Variants in SPOCD1 observed in about 807,000 individuals in gnomAD.
SPOCD1 encodes SPOC domain containing 1, also known as SPOC domain-containing protein 1.
SPOCD1 carries 64 observed loss-of-function variants against 92.2 expected under a neutral mutation model. The observed-to-expected ratio is 0.69, with a 90% CI of 0.57 to 0.86. The LOEUF (loss-of-function observed/expected upper bound fraction) is 0.86, where lower values mean the gene tolerates loss of function less well. Among genes scored for constraint, SPOCD1 ranks in the 40% least tolerant of loss-of-function variants. The pLI, the probability that SPOCD1 is intolerant of heterozygous loss-of-function variation, is 0.00. For synonymous variants in SPOCD1, 578 were observed against 619.3 expected, an observed-to-expected ratio of 0.93 and a Z score of 0.99; for missense variants, 1,360 against 1,543.1, an observed-to-expected ratio of 0.88 and a Z score of 1.99.
intron 3 of SPOCD1, 133 bp downstream of exon 3, chr1:31,801,531 G>A (rs1017676472): frequency 5.5e-6 from 4 of 723,444 alleles, no homozygotes; most frequent in African/African-American, 5.3e-5. Context: ...AGGGAGGGGA[G>A]CACTAGGATC....
At chr1:31,805,158 G>A (rs1325241824) in intron 2 of SPOCD1, among the ~76,000 whole-genome samples, 1 of 151,114 alleles carries the variant, frequency 6.6e-6, no homozygotes. Flanking sequence ...TTTTTTTCTT[G>A]TATTTTTAGT....
At chr1:31,806,083 C>A in intron 2 of SPOCD1, among the ~76,000 whole-genome samples, 1 of 151,290 alleles carries the variant, frequency 6.6e-6, no homozygotes. Flanking sequence ...AACTTATAAG[C>A]ATCTAATAGC....
At chr1:31,806,713 TTTTG>T (rs894982882) in intron 2 of SPOCD1, among the ~76,000 whole-genome samples, 18 of 152,062 alleles carry the variant, frequency 1.2e-4, no homozygotes, top group African/African-American at 3.6e-4. Context: ...GCCTGGCTAA[TTTTG>T]TTTGTTTGTT....
At chr1:31,803,621 G>C (rs1363427163) in intron 2 of SPOCD1, among the ~76,000 whole-genome samples, 1 of 151,692 alleles carries the variant, frequency 6.6e-6, no homozygotes, top group East Asian at 1.9e-4. Context: ...TGTACCTGTA[G>C]TCCCAACTAC....
rs990745600 is a variant in SPOCD1 at position 31,809,765 on chromosome 1, G to A, written c.1383+4186C>T. Among the ~76,000 whole-genome samples the A allele has an allele frequency of 3.3e-5, 5 of 152,132 alleles. No homozygotes were observed. The South Asian group carries it at 1.0e-3, about 32-fold the overall frequency. On this transcript the variant is annotated intron_variant, in intron 2 of 15. Transcript: ENST00000360482. The stretch of plus-strand genomic sequence containing the variant: ...ATCACTATTCGAGACTCTTAGAACA[G>A]TGCCTGGAACAGAAGAAGCTCTCTC...
chr1:31,814,951 T>C lies in SPOCD1; in HGVS notation c.383A>G (p.Asp128Gly). The C allele has an allele frequency of 6.2e-7, 1 of 1,613,912 alleles. No individual in the cohort carries two copies. Among genetic ancestry groups the C allele is most frequent in the Non-Finnish European group, 8.5e-7 (1 of 1,180,012 alleles). Residue 128 changes from aspartate (D) to glycine (G), a missense_variant, in exon 2 of 16, where the codon GAT becomes GGT. Physicochemically the swap from Asp to Gly is moderately conservative, Grantham distance 94. Around this residue, in one of 3 missense-constraint regions of SPOCD1, gnomAD observed 140 missense variants for 183.8 expected, o/e 0.76. Coordinates refer to ENST00000360482, the MANE Select transcript of SPOCD1 (RefSeq NM_144569.7). This position sits in a 1 kb window ranked among gnomAD's most constrained non-coding sequence, Gnocchi z 4.2. ...RLQVSLCDIL[D>G]DSCPRKLCSR... ...ACAAAGTTTCCTGGGGCAACTGTCA[T>C]CTAAGATGTCACACAGAGAAACCTG...
rs79907831 is a variant in SPOCD1, at chr1:31,790,784, G to A, written c.3470C>T (p.Ala1157Val). 4.9e-3 allele frequency: 7,594 copies of A among 1,548,094 alleles called. 324 individuals are homozygous for A. The African/African-American group carries it at 0.088, about 18-fold the overall frequency. Residue 1157 changes from alanine to valine, a missense_variant, in exon 16 of 16, where the codon GCG becomes GTG. By Grantham distance (64) the Ala-to-Val change is moderately conservative. This residue lies in a region of SPOCD1 where 614 missense variants were observed against 757.8 expected (regional missense o/e 0.81). Coordinates refer to ENST00000360482, the MANE Select transcript of SPOCD1 (RefSeq NM_144569.7). ...QALLRHLESL[A>V]TMSHQLQALL... The stretch of plus-strand genomic sequence containing the variant: ...GGCTTGGAGCTGGTGACTCATGGTC[G>A]CCAGGGATTCGAGGTGCCGGAGCAG...
Position 31,792,700 on chromosome 1 carries a change from C to T in SPOCD1, c.2753G>A (p.Ser918Asn), listed in dbSNP as rs1225105280. The change falls in exon 14 of 16, where the codon AGC (serine) becomes AAC (asparagine). Residue 918 changes from serine to asparagine, a missense_variant. This residue lies in a region of SPOCD1 where 614 missense variants were observed against 757.8 expected (regional missense o/e 0.81). Coordinates refer to ENST00000360482, the MANE Select transcript of SPOCD1 (RefSeq NM_144569.7). ...TACCTTGGCCTTGGCTGGGCAGATG[C>T]TGGCCAGAAGGTCCCAGACAATGTT... ...PSNIVWDLLA[S>N]ICPAKAKDVC... 6.2e-7 allele frequency: 1 copy of T among 1,605,370 alleles called. No individual in the cohort carries two copies. Among genetic ancestry groups the T allele is most frequent in the Admixed American group, 1.7e-5 (1 of 58,890 alleles).
chr1:31,800,737 G>A (rs1199243745), intron 3 of SPOCD1, 120 bp from the exon 4 acceptor site: 2 of 899,860 alleles, frequency 2.2e-6, no homozygotes, highest in South Asian at 3.5e-5. Context: ...AGCTCCGTGA[G>A]GATAGAGAAC....
chr1:31,801,679 C>T lies in SPOCD1; in HGVS notation c.1410G>A (p.Val470=). ...AAAAACCTACGTAGCACACAAGCTT[C>T]ACTCCATGGGGTATTTTCACTTCCT... is the stretch of plus-strand genomic sequence containing the variant. ...RLEEVKIPHG[V]KLVCYLGSGP... The change falls in exon 3 of 16, where the codon GTG becomes GTA. Residue 470 remains valine, a synonymous_variant. Transcript: ENST00000360482. The T allele has an allele frequency of 6.2e-7, 1 of 1,613,944 alleles. No homozygotes were observed. Among genetic ancestry groups the T allele is most frequent in the Non-Finnish European group, 8.5e-7 (1 of 1,179,918 alleles).
chr1:31,795,554 A>G (rs1647947856), intron 10 of SPOCD1: 1 of 145,776 alleles, frequency 6.9e-6, no homozygotes, highest in African/African-American at 2.6e-5. Context: ...CTCTGGGGCT[A>G]TCTAGGTCTT....
chr1:31,798,225 C>T lies in SPOCD1; in HGVS notation c.2127G>A (p.Arg709=). The T allele has an allele frequency of 6.2e-7, 1 of 1,614,096 alleles. No homozygotes were observed. The highest frequency in any genetic ancestry group is 8.5e-7 in the Non-Finnish European group (1 of 1,180,000). ...CACTCACCCTTTTCTCCTCCTGGTC[C>T]CGCCAGCGGGCCAGCTCCTGGGGGG... ...QLAPQELARW[R]DQEEKRGLNI... Residue 709 remains arginine, a synonymous_variant, in exon 9 of 16, where the codon CGG becomes CGA. Coordinates refer to ENST00000360482, the MANE Select transcript of SPOCD1 (RefSeq NM_144569.7). This position sits in a 1 kb window ranked among gnomAD's most constrained non-coding sequence, Gnocchi z 4.1.
intron 2 of SPOCD1, among the ~76,000 whole-genome samples, chr1:31,802,403 A>G (rs1330951824): frequency 6.6e-6 from 1 of 152,188 alleles, no homozygotes; most frequent in Non-Finnish European, 1.5e-5. Context: ...TGAGGCTCCA[A>G]GAGGATCTGA....
At chr1:31,795,704 A>G (rs1016404336) in intron 10 of SPOCD1, 1 of 152,082 alleles carries the variant, frequency 6.6e-6, no homozygotes, top group Admixed American at 6.6e-5. Context: ...AGGAGTGGGG[A>G]GCAGGGATTT....
chr1:31,798,235 G>A lies in SPOCD1; in HGVS notation c.2117C>T (p.Ala706Val), dbSNP rs773705475. The A allele has an allele frequency of 2.5e-6, 4 of 1,613,974 alleles. No homozygotes were observed. In the South Asian group the frequency reaches 3.3e-5, roughly 13 times the overall value. The change falls in exon 9 of 16, where the codon GCC (alanine) becomes GTC (valine). Residue 706 changes from alanine to valine, a missense_variant. This residue lies in a region of SPOCD1 where 614 missense variants were observed against 757.8 expected (regional missense o/e 0.81). Coordinates refer to ENST00000360482, the MANE Select transcript of SPOCD1 (RefSeq NM_144569.7). This position sits in a 1 kb window ranked among gnomAD's most constrained non-coding sequence, Gnocchi z 4.1. ...TTTCTCCTCCTGGTCCCGCCAGCGGGCCAGCTCCTGGGGGGCCAGCTGCAT... is the reference window on the plus strand; with the variant it reads ...TTTCTCCTCCTGGTCCCGCCAGCGGACCAGCTCCTGGGGGGCCAGCTGCAT... ...SSMQLAPQEL[A>V]RWRDQEEKRG...
rs1188166610 is a variant in SPOCD1, at chr1:31,791,129, T to C, written c.3125A>G (p.Lys1042Arg). 2 of 1,613,112 alleles carry C rather than the reference T, an allele frequency of 1.2e-6. No homozygotes were observed. Among genetic ancestry groups the C allele is most frequent in the Non-Finnish European group, 1.7e-6 (2 of 1,179,814 alleles). The change falls in exon 16 of 16, where the codon AAG becomes AGG. Residue 1042 changes from lysine to arginine, a missense_variant. Around this residue, in one of 3 missense-constraint regions of SPOCD1, gnomAD observed 614 missense variants for 757.8 expected, o/e 0.81. Transcript: ENST00000360482. Reference protein sequence around the residue: ...KVQKMVSFNSKVEKRYYQPDD... With the variant: ...KVQKMVSFNSRVEKRYYQPDD... ...TGGCTGATAGTATCTCTTCTCCACC[T>C]TACTGTTGAAGGAGACCATCTTTTG...
chr1:31,807,076 A>G (rs1215566032), intron 2 of SPOCD1, among the ~76,000 whole-genome samples: 1 of 151,080 alleles, frequency 6.6e-6, no homozygotes, highest in Non-Finnish European at 1.5e-5. Flanking sequence ...AAGCAACAAA[A>G]TATGTTTGGA....
In SPOCD1 at chr1:31,790,627, C is replaced by G; in HGVS notation, c.3627G>C (p.Glu1209Asp). 1 of 1,551,840 alleles carries G rather than the reference C, an allele frequency of 6.4e-7. No individual in the cohort carries two copies. The highest frequency in any genetic ancestry group is 8.7e-7 in the Non-Finnish European group (1 of 1,147,050). The part of the protein sequence containing the change: ...SLGPTDEAGS[E>D]CPFPRKA ...GTCAGGCCTTTCTAGGGAAGGGACA[C>G]TCAGAGCCAGCTTCATCTGTAGGCC... Residue 1209 changes from glutamate to aspartate, a missense_variant, in exon 16 of 16, where the codon GAG becomes GAC. This residue lies in a region of SPOCD1 where 614 missense variants were observed against 757.8 expected (regional missense o/e 0.81). Coordinates refer to ENST00000360482, the MANE Select transcript of SPOCD1 (RefSeq NM_144569.7).
In SPOCD1 at chr1:31,792,745, G is replaced by A. The variant is rs924538842; in HGVS notation, c.2708C>T (p.Ser903Leu). ...LVQALPTVIR[S>L]AGCIPSNIVW... ...AATGTTGGAGGGGATGCAGCCTGCCGAGCGGATCACGGTGGGCAGAGCCTA... is the reference window on the plus strand; with the variant it reads ...AATGTTGGAGGGGATGCAGCCTGCCAAGCGGATCACGGTGGGCAGAGCCTA... Residue 903 changes from serine (S) to leucine (L), a missense_variant, in exon 14 of 16, where the codon TCG becomes TTG. Coordinates refer to ENST00000360482, the MANE Select transcript of SPOCD1 (RefSeq NM_144569.7). 6.2e-7 allele frequency: 1 copy of A among 1,606,798 alleles called. No individual in the cohort carries two copies. Among genetic ancestry groups the A allele is most frequent in the Non-Finnish European group, 8.5e-7 (1 of 1,177,144 alleles).
Sources: gnomAD v4.1 joint callset for allele counts (sites outside exome capture counted in the v4.1 genomes callset) on GRCh38, gnomAD v4.1.1 for gene constraint, gnomAD v4.1.1 regional missense constraint, Gnocchi (gnomAD v3.1) non-coding constraint, MANE v1.5 for transcripts, NCBI Gene and HGNC (gene_info 2026-07-23, HGNC 2026-07-21) for gene names.